PDXK: variants seen among roughly 807,000 people sequenced by gnomAD.
PDXK encodes the protein epididymis secretory sperm binding protein Li 1a.
A neutral mutation model predicts 43.2 loss-of-function variants in PDXK; 15 were observed. The observed-to-expected ratio is 0.35, with a 90% CI of 0.23 to 0.53. The LOEUF (loss-of-function observed/expected upper bound fraction) is 0.53, where lower values mean the gene tolerates loss of function less well. Ranked by LOEUF, PDXK falls within the 20% of genes least tolerant of loss-of-function variation. PDXK has a pLI of 0.92. For missense variants in PDXK, 343 were observed against 417.0 expected (o/e 0.82, Z 1.54); for synonymous variants, 172 against 165.4 (o/e 1.04, Z -0.31).
rs557078631 is a variant in PDXK at position 43,726,276 on chromosome 21, T to C, written c.87+6895T>C. 8.8e-4 allele frequency among the ~76,000 whole-genome samples: 126 copies of C among 142,824 alleles called. 2 individuals are homozygous for C. The South Asian group carries it at 0.019, about 21-fold the overall frequency. 93.7% of individuals were successfully genotyped at this position (142,824 alleles called of 152,430 possible). A position where few individuals can be genotyped will look rare whatever the true frequency, so the allele number is the denominator to read the frequency against. On this transcript the variant is annotated intron_variant, in intron 1 of 10. Coordinates refer to ENST00000291565, the MANE Select transcript of PDXK (RefSeq NM_003681.5). ...TTTTCCATTTTTTCTTTTTCTTTTT[T>C]TTTTTTTTTTTTTTGAGACGGAGTC...
chr21:43,740,180 C>T (rs1325123759), intron 2 of PDXK, among the ~76,000 whole-genome samples: 2 of 152,078 alleles, frequency 1.3e-5, no homozygotes, highest in African/African-American at 4.8e-5. Context: ...ATGGCAGTCT[C>T]AGGACCTTTG....
chr21:43,752,345 G>T (rs1426473709), intron 7 of PDXK, among the ~76,000 whole-genome samples, 173 bp from the exon 8 acceptor site: 1 of 152,250 alleles, frequency 6.6e-6, no homozygotes, highest in African/African-American at 2.4e-5. Flanking sequence ...CCAGGTGGCT[G>T]TCTTCCCTCC....
rs749565581 is a variant in PDXK at position 43,750,521 on chromosome 21, C to T, written c.486C>T (p.Ile162=). 36 of 1,613,070 alleles carry T rather than the reference C, an allele frequency of 2.2e-5. No homozygotes were observed. Among genetic ancestry groups the T allele is most frequent in the African/African-American group, 2.7e-5 (2 of 74,930 alleles). ...CCAGGTTACTGAGTGGCCGGAAGAT[C>T]CACAGCCAGGAGGAAGCCTTGCGGG... The part of the protein sequence containing the change: ...FEAELLSGRK[I]HSQEEALRVM... The change falls in exon 7 of 11, where the codon ATC becomes ATT. Residue 162 remains isoleucine, a synonymous_variant. Coordinates refer to ENST00000291565, the MANE Select transcript of PDXK (RefSeq NM_003681.5).
At chr21:43,745,053 A>C (rs2083613108) in intron 4 of PDXK, among the ~76,000 whole-genome samples, 1 of 152,218 alleles carries the variant, frequency 6.6e-6, no homozygotes, top group Admixed American at 6.5e-5. Flanking sequence ...AATAGCTAGG[A>C]AAGGCCAGTT....
At chr21:43,731,254 C>T (rs987106305) in intron 1 of PDXK, among the ~76,000 whole-genome samples, 11 of 152,338 alleles carry the variant, frequency 7.2e-5, no homozygotes, top group Middle Eastern at 3.4e-3. Flanking sequence ...CTTCTTTTAA[C>T]TTCCAATCTC....
intron 2 of PDXK, 54 bp from the exon 3 acceptor site, chr21:43,741,613 C>T (rs202229238): frequency 8.2e-6 from 13 of 1,589,362 alleles, no homozygotes; most frequent in Admixed American, 3.6e-5. Flanking sequence ...GGGAAGCCCA[C>T]GGCCCCAGCT....
intron 1 of PDXK, among the ~76,000 whole-genome samples, chr21:43,720,988 C>T (rs898715192): frequency 6.6e-6 from 1 of 152,216 alleles, no homozygotes; most frequent in Non-Finnish European, 1.5e-5. Context: ...TCTGATTGCT[C>T]ACCTCAGGTG....
Position 43,732,184 on chromosome 21 carries a change from G to A in PDXK, c.88-1885G>A. On this transcript the variant is annotated intron_variant, in intron 1 of 10. Transcript: ENST00000291565. The surrounding 1 kb of genome is among the most constrained non-coding windows in gnomAD (Gnocchi z 4.1). ...GTACCTCCTGGTGGTGCCTGGGAGG[G>A]AGCCACTGCTGTACAGAGATGCCAA... 3 of 1,418,324 alleles carry A rather than the reference G, an allele frequency of 2.1e-6. No homozygotes were observed. Among genetic ancestry groups the A allele is most frequent in the South Asian group, 3.2e-5 (2 of 63,350 alleles). 87.9% of individuals were successfully genotyped at this position (1,418,324 alleles called of 1,614,324 possible). A position where few individuals can be genotyped will look rare whatever the true frequency, so the allele number is the denominator to read the frequency against.
intron 6 of PDXK, 73 bp from the exon 7 acceptor site, chr21:43,750,427 G>T: frequency 7.4e-7 from 1 of 1,349,330 alleles, no homozygotes; most frequent in Non-Finnish European, 1.0e-6. Flanking sequence ...CTGCGGTTTG[G>T]GGAATGTCAA....
chr21:43,738,615 A>G (rs1016790469), intron 2 of PDXK: 2 of 152,408 alleles, frequency 1.3e-5, no homozygotes, highest in African/African-American at 4.8e-5. Context: ...CACCGTGTTC[A>G]AGGAGAAAGA....
At chr21:43,753,522 G>A in intron 8 of PDXK, 61 bp from the exon 9 acceptor site, 1 of 1,553,744 alleles carries the variant, frequency 6.4e-7, no homozygotes, top group South Asian at 1.2e-5. Flanking sequence ...TCAGGGATGG[G>A]AGGCTGGCCC....
At position 43,719,257 on chromosome 21, in the gene PDXK, C is replaced by T. The variant is rs1281608718; in HGVS notation, c.-38C>T. The T allele has an allele frequency of 4.7e-6, 6 of 1,270,778 alleles. No homozygotes were observed. In the South Asian group the frequency reaches 7.1e-5, roughly 15 times the overall value. The allele number at this position is 1,270,778 out of a possible 1,614,324, so 78.7% of individuals were successfully genotyped here. On this transcript the variant is annotated 5_prime_UTR_variant, in exon 1 of 11. Transcript: ENST00000291565. ...CCCGAGCGAGCGGCGGAGACCGTGCCCCCGCCTCGGCCCCGCGCCGCCGCG... is the reference window on the plus strand; with the variant it reads ...CCCGAGCGAGCGGCGGAGACCGTGCTCCCGCCTCGGCCCCGCGCCGCCGCG...
At chr21:43,745,776 C>T (rs1055313163) in intron 4 of PDXK, 2 of 351,148 alleles carry the variant, frequency 5.7e-6, no homozygotes, top group Admixed American at 4.1e-5. Context: ...GTGAGAGGAT[C>T]GCTTAAGCCT....
chr21:43,755,881 C>G, intron 10 of PDXK, 70 bp from the exon 11 acceptor site: 1 of 1,447,082 alleles, frequency 6.9e-7, no homozygotes, highest in Non-Finnish European at 9.7e-7. Flanking sequence ...CTGACCTCAC[C>G]TCTGGGAGTG....
intron 3 of PDXK, 48 bp downstream of exon 3, chr21:43,741,819 G>C (rs1266070334): frequency 7.8e-7 from 1 of 1,289,642 alleles, no homozygotes; most frequent in African/African-American, 1.5e-5. Flanking sequence ...CCCCACTCCA[G>C]CCAGGGTGGG....
chr21:43,735,706 C>T lies in PDXK; in HGVS notation c.142+1583C>T, dbSNP rs750428522. ...ACCCCTTAGCCAGCTCAGTCTATGG[C>T]TGTGGGCTGGCTCCCAGCCCCCTGT... On this transcript the variant is annotated intron_variant, in intron 2 of 10. Coordinates refer to ENST00000291565, the MANE Select transcript of PDXK (RefSeq NM_003681.5). The surrounding 1 kb of genome is among the most constrained non-coding windows in gnomAD (Gnocchi z 5.3). 2.4e-4 allele frequency among the ~76,000 whole-genome samples: 36 copies of T among 151,940 alleles called. No homozygotes were observed. Among genetic ancestry groups the T allele is most frequent in the Non-Finnish European group, 4.3e-4 (29 of 67,966 alleles).
rs181759728 is a variant in PDXK at position 43,744,917 on chromosome 21, A to T, written c.331+1110A>T. On this transcript the variant is annotated intron_variant, in intron 4 of 10. Transcript: ENST00000291565. ...GTGTCCGTACATACAATGGAGTATT[A>T]CTCAGTCTGGAAAAGGAAGGAAATT... Among the ~76,000 whole-genome samples the T allele has an allele frequency of 3.3e-5, 5 of 152,326 alleles. No homozygotes were observed. The East Asian group carries it at 9.6e-4, about 29-fold the overall frequency.
intron 1 of PDXK, among the ~76,000 whole-genome samples, chr21:43,728,017 G>A (rs2083271243): frequency 6.6e-6 from 1 of 152,230 alleles, no homozygotes; most frequent in Admixed American, 6.5e-5. Context: ...CCCAGCTGGT[G>A]CACGGTCCCT....
intron 1 of PDXK, among the ~76,000 whole-genome samples, chr21:43,726,675 TG>T (rs999289700): frequency 3.3e-5 from 5 of 152,162 alleles, no homozygotes; most frequent in Non-Finnish European, 5.9e-5. Flanking sequence ...CCCAAAGTGT[TG>T]GGATTACAGG....
Sources: allele counts gnomAD v4.1 joint callset (sites outside exome capture counted in the v4.1 genomes callset), GRCh38; gene constraint gnomAD v4.1.1; non-coding constraint Gnocchi (gnomAD v3.1); transcripts MANE v1.5; gene names NCBI Gene and HGNC (gene_info 2026-07-23, HGNC 2026-07-21).